The following CRYBA1 variants were observed in gnomAD, a reference collection of about 807,000 sequenced individuals.
The protein encoded by CRYBA1 is crystallin beta A1, also known as beta-crystallin A3.
Under a neutral mutation model 36.2 loss-of-function variants are expected in CRYBA1, and 25 were observed. That is an observed-to-expected ratio of 0.69 (90% CI 0.50 to 0.97). The LOEUF (loss-of-function observed/expected upper bound fraction) is 0.97, where lower values mean the gene tolerates loss of function less well. Ranked by LOEUF, CRYBA1 falls within the 50% of genes least tolerant of loss-of-function variation. CRYBA1 has a pLI of 0.00. For synonymous variants in CRYBA1, 111 were observed against 90.0 expected (o/e 1.23, Z -1.32); for missense variants, 224 against 276.3 (o/e 0.81, Z 1.34).
intron 2 of CRYBA1, among the ~76,000 whole-genome samples, chr17:29,249,647 T>A (rs973829834): frequency 2.0e-5 from 3 of 152,088 alleles, no homozygotes; most frequent in African/African-American, 7.2e-5. Flanking sequence ...TCTCCAACAC[T>A]CCCCACTCTC....
At chr17:29,251,601 C>G (rs1359828816) in intron 3 of CRYBA1, among the ~76,000 whole-genome samples, 1 of 152,056 alleles carries the variant, frequency 6.6e-6, no homozygotes, top group Non-Finnish European at 1.5e-5. Context: ...CAACCCTCAG[C>G]CCCCTGAATA....
In CRYBA1 at chr17:29,252,151, G is replaced by A. The variant is rs1277708302; in HGVS notation, c.303G>A (p.Gly101=). Residue 101 remains glycine (G), a synonymous_variant, in exon 4 of 6, where the codon GGG becomes GGA. Transcript: ENST00000225387. ...GEYPRWDAWS[G]SNAYHIERLM... ...ACCCTCGCTGGGATGCCTGGAGTGGGAGTAATGCCTACCACATTGAGCGTC... is the reference window on the plus strand; with the variant it reads ...ACCCTCGCTGGGATGCCTGGAGTGGAAGTAATGCCTACCACATTGAGCGTC... 6.2e-7 allele frequency: 1 copy of A among 1,614,008 alleles called. No individual in the cohort carries two copies. Among genetic ancestry groups the A allele is most frequent in the Non-Finnish European group, 8.5e-7 (1 of 1,180,008 alleles).
rs562824694 is a variant in CRYBA1, at chr17:29,249,353, GA to G, written c.96+149del. 499 of 630,586 alleles carry G rather than the reference GA, an allele frequency of 7.9e-4. 4 individuals are homozygous for G. Among genetic ancestry groups the G allele is most frequent in the South Asian group, 3.9e-3 (212 of 54,856 alleles). The allele number at this position is 630,586 out of a possible 1,614,324, so 39.1% of individuals were successfully genotyped here. A position where few individuals can be genotyped will look rare whatever the true frequency, so the allele number is the denominator to read the frequency against. On this transcript the variant is annotated intron_variant, in intron 2 of 5. Transcript: ENST00000225387. ...GGTCCACACAAGCTCCAGTGCTGTC[GA>G]AGGAAGGATCTCTCAGGATGTCCCA... is the stretch of plus-strand genomic sequence containing the variant.
intron 1 of CRYBA1, 68 bp from the exon 2 acceptor site, chr17:29,249,069 ACCTTT>A (rs2068918914): frequency 1.0e-6 from 1 of 974,140 alleles, no homozygotes; most frequent in Non-Finnish European, 1.7e-6. Context: ...AGTCTCCTTT[ACCTTT>A]CAAGGCATTC....
intron 1 of CRYBA1, among the ~76,000 whole-genome samples, chr17:29,248,029 T>A (rs1268434916): frequency 6.6e-6 from 1 of 151,464 alleles, no homozygotes; most frequent in Non-Finnish European, 1.5e-5. Context: ...GACAGGAGAA[T>A]CGCTTGAACC....
At chr17:29,247,593 C>T (rs1421180125) in intron 1 of CRYBA1, among the ~76,000 whole-genome samples, 1 of 152,172 alleles carries the variant, frequency 6.6e-6, no homozygotes, top group Non-Finnish European at 1.5e-5. Context: ...TTTTCAATGT[C>T]CCCCTGATCC....
At chr17:29,247,720 T>G (rs541461611) in intron 1 of CRYBA1, among the ~76,000 whole-genome samples, 1 of 152,044 alleles carries the variant, frequency 6.6e-6, no homozygotes, top group East Asian at 1.9e-4. Flanking sequence ...CTGTGATGAG[T>G]GCTATAAATC....
chr17:29,252,557 G>T (rs930529146), intron 4 of CRYBA1, among the ~76,000 whole-genome samples: 21 of 152,144 alleles, frequency 1.4e-4, no homozygotes, highest in African/African-American at 5.1e-4. Context: ...TTTTACTGCA[G>T]AAACAGGAAA....
At position 29,250,231 on chromosome 17, in the gene CRYBA1, C is replaced by T. The variant is rs1404418201; in HGVS notation, c.146C>T (p.Thr49Ile). ...ENFQGKRMEFTSSCPNVSERS... is the reference protein window; with the variant it reads ...ENFQGKRMEFISSCPNVSERS... Reference sequence around the variant, plus strand: ...TTTCAGGGCAAGAGGATGGAGTTCACCAGCTCCTGTCCAAATGTCTCTGAG... The same window carrying T: ...TTTCAGGGCAAGAGGATGGAGTTCATCAGCTCCTGTCCAAATGTCTCTGAG... Residue 49 changes from threonine to isoleucine, a missense_variant, in exon 3 of 6, where the codon ACC (threonine) becomes ATC (isoleucine). Coordinates refer to ENST00000225387, the MANE Select transcript of CRYBA1 (RefSeq NM_005208.5). 2 of 1,613,332 alleles carry T rather than the reference C, an allele frequency of 1.2e-6. No homozygotes were observed. The highest frequency in any genetic ancestry group is 2.7e-5 in the African/African-American group (2 of 74,914).
rs1047790 is a variant in CRYBA1 at position 29,253,738 on chromosome 17, C to T, written c.456C>T (p.Gly152=). 0.19 allele frequency: 312,158 copies of T among 1,613,442 alleles called. 33,265 individuals are homozygous for T. Among genetic ancestry groups the T allele is most frequent in the South Asian group, 0.35 (31,571 of 91,054 alleles). The part of the protein sequence containing the change: ...SDDYPSLQAM[G]WFNNEVGSMK... ...ACTACCCCTCCTTGCAAGCCATGGG[C>T]TGGTTCAACAACGAAGTCGGCTCCA... The change falls in exon 5 of 6, where the codon GGC becomes GGT. Residue 152 remains glycine, a synonymous_variant. Coordinates refer to ENST00000225387, the MANE Select transcript of CRYBA1 (RefSeq NM_005208.5).
intron 2 of CRYBA1, among the ~76,000 whole-genome samples, chr17:29,249,462 TA>T (rs1216206322): frequency 6.6e-6 from 1 of 152,176 alleles, no homozygotes; most frequent in African/African-American, 2.4e-5. Context: ...TCCTCCCCAC[TA>T]AAGTCATCTT....
chr17:29,249,080 C>T, intron 1 of CRYBA1, 62 bp from the exon 2 acceptor site: 2 of 1,058,558 alleles, frequency 1.9e-6, no homozygotes, highest in Non-Finnish European at 3.0e-6. Flanking sequence ...CCTTTCAAGG[C>T]ATTCCCTCAC....
intron 4 of CRYBA1, among the ~76,000 whole-genome samples, chr17:29,253,234 C>T (rs1329870015): frequency 6.6e-6 from 1 of 152,162 alleles, no homozygotes; most frequent in African/African-American, 2.4e-5. Flanking sequence ...GTATTCATGT[C>T]CCCTACTGGA....
chr17:29,251,949 T>C, intron 3 of CRYBA1, 115 bp from the exon 4 acceptor site: 10 of 1,309,596 alleles, frequency 7.6e-6, no homozygotes, highest in South Asian at 2.4e-5. Context: ...ACAGCTCTAC[T>C]GGGATTGGCT....
intron 4 of CRYBA1, 29 bp downstream of exon 4, chr17:29,252,234 C>A (rs759145986): frequency 1.2e-6 from 2 of 1,613,490 alleles, no homozygotes; most frequent in South Asian, 2.2e-5. Context: ...CACTTCCGTG[C>A]ATATGAGGGA....
intron 4 of CRYBA1, 62 bp downstream of exon 4, chr17:29,252,267 A>G: frequency 6.2e-7 from 1 of 1,602,024 alleles, no homozygotes; most frequent in East Asian, 2.2e-5. Context: ...GTGTGGACAG[A>G]CTGACGTTCA....
chr17:29,251,496 A>AT lies in CRYBA1; in HGVS notation c.216-554dup, dbSNP rs142673604. Among the ~76,000 whole-genome samples the AT allele has an allele frequency of 4.3e-3, 643 of 148,156 alleles. 5 individuals are homozygous for AT. Among genetic ancestry groups the AT allele is most frequent in the Middle Eastern group, 0.017 (5 of 288 alleles). ...GTGATTTGGAGAAAAAGAAAAAAAA[A>AT]TTTTTTTTTTTTTTGAGGCAAGGTG... is the stretch of plus-strand genomic sequence containing the variant. On this transcript the variant is annotated intron_variant, in intron 3 of 5. Coordinates refer to ENST00000225387, the MANE Select transcript of CRYBA1 (RefSeq NM_005208.5).
In CRYBA1 at chr17:29,254,466, C is replaced by T; in HGVS notation, c.*117C>T. On this transcript the variant is annotated 3_prime_UTR_variant, in exon 6 of 6. Transcript: ENST00000225387. The stretch of plus-strand genomic sequence containing the variant: ...CTTTCAAATGTTAGCTGCTGAAATC[C>T]ACAATAAACGTCATTTAAAAAAAAA... 8.9e-7 allele frequency: 1 copy of T among 1,118,700 alleles called. No homozygotes were observed. Among genetic ancestry groups the T allele is most frequent in the Non-Finnish European group, 1.3e-6 (1 of 750,696 alleles). 69.3% of individuals were successfully genotyped at this position (1,118,700 alleles called of 1,614,324 possible). A position where few individuals can be genotyped will look rare whatever the true frequency, so the allele number is the denominator to read the frequency against.
At chr17:29,251,926 C>A (rs1308611739) in intron 3 of CRYBA1, 138 bp from the exon 4 acceptor site, 182 of 1,094,412 alleles carry the variant, frequency 1.7e-4, no homozygotes, top group Non-Finnish European at 9.8e-6. Context: ...ACTCTTGTGA[C>A]AAATTACTTT....
Sources: gnomAD v4.1 joint callset for allele counts (sites outside exome capture counted in the v4.1 genomes callset) on GRCh38, gnomAD v4.1.1 for gene constraint, MANE v1.5 for transcripts, NCBI Gene and HGNC (gene_info 2026-07-23, HGNC 2026-07-21) for gene names.